HECTD4: variants seen among roughly 807,000 people sequenced by gnomAD.
HECTD4 encodes HECT domain E3 ubiquitin protein ligase 4.
HECTD4 carries 114 observed loss-of-function variants against 471.5 expected under a neutral mutation model. The observed-to-expected ratio is 0.24, with a 90% CI of 0.21 to 0.28. The LOEUF is 0.28. HECTD4 is among the 10% of genes least tolerant of loss of function. HECTD4 has a pLI of 1.00. For synonymous variants in HECTD4, 2,012 were observed against 2,256.0 expected, an observed-to-expected ratio of 0.89 and a Z score of 3.07; for missense variants, 3,866 against 5,651.5, an observed-to-expected ratio of 0.68 and a Z score of 10.13.
At chr12:112,336,782 G>A (rs1037752135) in intron 1 of HECTD4, among the ~76,000 whole-genome samples, 6 of 152,102 alleles carry the variant, frequency 3.9e-5, no homozygotes, top group Non-Finnish European at 7.4e-5. Flanking sequence ...GATTAGCCAC[G>A]AGCTGATAAT....
At chr12:112,285,733 C>T (rs2034738878) in intron 7 of HECTD4, among the ~76,000 whole-genome samples, 1 of 152,052 alleles carries the variant, frequency 6.6e-6, no homozygotes, top group South Asian at 2.1e-4. Context: ...TATTTACAGA[C>T]CCATCCTTGC....
chr12:112,171,272 G>A lies in HECTD4; in HGVS notation c.11786-9C>T, dbSNP rs556670361. 1.8e-5 allele frequency: 28 copies of A among 1,594,228 alleles called. No homozygotes were observed. In the East Asian group the frequency reaches 5.5e-4, roughly 31 times the overall value. On this transcript the variant is annotated splice_polypyrimidine_tract_variant and intron_variant, in intron 67 of 75. Transcript: ENST00000682272. ...GCTCTCGATGGGCACGTCTGAGGGCGCAGGAGCAGTCAGGCTGAGATCTCG... is the reference window on the plus strand; with the variant it reads ...GCTCTCGATGGGCACGTCTGAGGGCACAGGAGCAGTCAGGCTGAGATCTCG...
chr12:112,165,645 C>T (rs1334025326), intron 72 of HECTD4, among the ~76,000 whole-genome samples: 1 of 152,222 alleles, frequency 6.6e-6, no homozygotes, highest in Non-Finnish European at 1.5e-5. Context: ...GCCACCGCGC[C>T]CGGCCTAAGA....
At chr12:112,376,284 T>C (rs1384832880) in intron 1 of HECTD4, among the ~76,000 whole-genome samples, 1 of 152,066 alleles carries the variant, frequency 6.6e-6, no homozygotes. Flanking sequence ...TCTCACTCTG[T>C]GGCCCAGGCT....
intron 9 of HECTD4, among the ~76,000 whole-genome samples, chr12:112,275,935 C>T (rs527320911): frequency 3.3e-5 from 5 of 152,260 alleles, no homozygotes; most frequent in African/African-American, 1.2e-4. Context: ...TTCTTTATGG[C>T]TTAAACTCAA....
chr12:112,260,993 G>A (rs1258002031), intron 18 of HECTD4, among the ~76,000 whole-genome samples: 7 of 151,982 alleles, frequency 4.6e-5, no homozygotes, highest in Admixed American at 4.6e-4. Flanking sequence ...AGTGTGCATG[G>A]TGCTGACCTT....
chr12:112,333,226 C>T (rs1389478619), intron 1 of HECTD4, among the ~76,000 whole-genome samples: 1 of 152,154 alleles, frequency 6.6e-6, no homozygotes, highest in Non-Finnish European at 1.5e-5. Context: ...AAAAATGGAA[C>T]AGCCGAGTCA....
intron 1 of HECTD4, among the ~76,000 whole-genome samples, chr12:112,324,041 C>CTCTCTTTCTTT (rs1566112078): frequency 5.7e-5 from 1 of 17,586 alleles, no homozygotes; most frequent in Non-Finnish European, 1.0e-4. Context: ...TTCCTTCCTT[C>CTCTCTTTCTTT]CTTCCTTTCT....
chr12:112,265,814 A>ATTTAAATGTGTTTGATCAAC, intron 15 of HECTD4, 64 bp downstream of exon 15: 1 of 1,248,198 alleles, frequency 8.0e-7, no homozygotes, highest in Non-Finnish European at 1.2e-6. Flanking sequence ...GATCAAACAC[A>ATTTAAATGTGTTTGATCAAC]TTTAAATGTA....
At chr12:112,200,144 C>T in intron 55 of HECTD4, among the ~76,000 whole-genome samples, 1 of 150,292 alleles carries the variant, frequency 6.7e-6, no homozygotes, top group East Asian at 2.1e-4. Context: ...TCAGATGATT[C>T]TAGATCCCCC....
intron 1 of HECTD4, among the ~76,000 whole-genome samples, chr12:112,331,914 G>A (rs1329566156): frequency 2.0e-5 from 3 of 152,136 alleles, no homozygotes; most frequent in African/African-American, 7.2e-5. Flanking sequence ...GGAATATCCT[G>A]TTCAGTTCCA....
At chr12:112,260,302 C>G (rs536879100) in intron 18 of HECTD4, among the ~76,000 whole-genome samples, 1 of 152,282 alleles carries the variant, frequency 6.6e-6, no homozygotes, top group East Asian at 1.9e-4. Context: ...CTTAAGGCTA[C>G]TTAGGATATT....
chr12:112,345,825 G>A (rs1024462046), intron 1 of HECTD4, among the ~76,000 whole-genome samples: 1 of 152,184 alleles, frequency 6.6e-6, no homozygotes, highest in Non-Finnish European at 1.5e-5. Context: ...AACCCGGGAG[G>A]CAGAGCTTGC....
Position 112,176,677 on chromosome 12 carries a change from G to A in HECTD4, c.11389C>T (p.Pro3797Ser), listed in dbSNP as rs755529328. 1.2e-6 allele frequency: 2 copies of A among 1,613,854 alleles called. No individual in the cohort carries two copies. Among genetic ancestry groups the A allele is most frequent in the South Asian group, 2.2e-5 (2 of 91,080 alleles). The change falls in exon 65 of 76, where the codon CCA becomes TCA. Residue 3797 changes from proline to serine, a missense_variant. Pro to Ser is a moderately conservative substitution (Grantham distance 74). This residue lies in a region of HECTD4 where 715 missense variants were observed against 1,087.6 expected (regional missense o/e 0.66). Transcript: ENST00000682272. ...TCTGGTGATTTTGGCTTCACAGTTG[G>A]CTTCTTCTCACTTAAGGCAGTCCTG... is the stretch of plus-strand genomic sequence containing the variant. ...VSRTALSEKK[P>S]TVKPKSPEKS... is the part of the protein sequence containing the mutation.
At chr12:112,174,466 T>C (rs1245623190) in intron 66 of HECTD4, among the ~76,000 whole-genome samples, 2 of 149,736 alleles carry the variant, frequency 1.3e-5, no homozygotes, top group African/African-American at 4.9e-5. Flanking sequence ...GTTGATCAGG[T>C]TGGTCTCGAA....
At chr12:112,314,602 G>T in intron 2 of HECTD4, 56 bp from the exon 3 acceptor site, 1 of 963,024 alleles carries the variant, frequency 1.0e-6, no homozygotes, top group Non-Finnish European at 1.6e-6. Flanking sequence ...AAATAATTTA[G>T]GTCATTAATG....
At chr12:112,214,158 C>G (rs1593937329) in intron 48 of HECTD4, among the ~76,000 whole-genome samples, 2 of 152,184 alleles carry the variant, frequency 1.3e-5, no homozygotes, top group South Asian at 4.1e-4. Context: ...GTGAAGATAA[C>G]CAACAGAATC....
chr12:112,351,928 T>G (rs2135737832), intron 1 of HECTD4, among the ~76,000 whole-genome samples: 1 of 152,338 alleles, frequency 6.6e-6, no homozygotes, highest in South Asian at 2.1e-4. Flanking sequence ...AAAGACAGAA[T>G]GAATATGGCC....
intron 1 of HECTD4, among the ~76,000 whole-genome samples, chr12:112,330,865 C>T (rs1033100178): frequency 6.6e-6 from 1 of 152,126 alleles, no homozygotes; most frequent in Non-Finnish European, 1.5e-5. Flanking sequence ...CACATAAGAA[C>T]CTTTTAATTA....
Sources: gnomAD v4.1 joint callset for allele counts (sites outside exome capture counted in the v4.1 genomes callset) on GRCh38, gnomAD v4.1.1 for gene constraint, gnomAD v4.1.1 regional missense constraint, MANE v1.5 for transcripts, NCBI Gene and HGNC (gene_info 2026-07-23, HGNC 2026-07-21) for gene names.